Variants in OXCT1 observed in about 807,000 individuals in gnomAD.
The protein encoded by OXCT1 is succinyl-CoA:3-ketoacid coenzyme A transferase 1, mitochondrial.
In OXCT1, 27 loss-of-function variants were observed where a neutral mutation model predicts 69.6. That is an observed-to-expected ratio of 0.39 (90% CI 0.29 to 0.54). The LOEUF (loss-of-function observed/expected upper bound fraction) is 0.54. Among genes scored for constraint, OXCT1 ranks in the 20% least tolerant of loss-of-function variants. The probability of loss-of-function intolerance (pLI) is 0.72; values close to 1 mark genes in which losing one functional copy is unlikely to be tolerated. For synonymous variants in OXCT1, 202 were observed against 217.8 expected (o/e 0.93, Z 0.64); for missense variants, 437 against 650.2 (o/e 0.67, Z 3.57).
At position 41,813,348 on chromosome 5, in the gene OXCT1, G is replaced by A. The variant is rs528960712; in HGVS notation, c.733-5910C>T. Among the ~76,000 whole-genome samples the A allele has an allele frequency of 5.4e-4, 82 of 152,138 alleles. 1 individual carries two copies. In the South Asian group the frequency reaches 0.012, roughly 22 times the overall value. On this transcript the variant is annotated intron_variant, in intron 7 of 16. Coordinates refer to ENST00000196371, the MANE Select transcript of OXCT1 (RefSeq NM_000436.4). The stretch of plus-strand genomic sequence containing the variant: ...TGGTGGCTTGATAAAGCCTTAGGGG[G>A]AAGTCTTCAGTGCTGTGGTTTTTAT...
chr5:41,767,874 T>C (rs1490553931), intron 13 of OXCT1, among the ~76,000 whole-genome samples: 1 of 151,622 alleles, frequency 6.6e-6, no homozygotes, highest in Non-Finnish European at 1.5e-5. Context: ...CCTACTGCTA[T>C]TGAGGCTTTC....
intron 7 of OXCT1, among the ~76,000 whole-genome samples, chr5:41,822,521 C>T (rs1747604678): frequency 6.6e-6 from 1 of 152,074 alleles, no homozygotes; most frequent in South Asian, 2.1e-4. Context: ...CTCTTTTGCC[C>T]AGGCTGGAGT....
chr5:41,868,428 C>T (rs1261487070), intron 1 of OXCT1, among the ~76,000 whole-genome samples: 1 of 152,172 alleles, frequency 6.6e-6, no homozygotes, highest in Non-Finnish European at 1.5e-5. Flanking sequence ...TCAACAGAAG[C>T]AGCAGGTGAG....
At chr5:41,865,637 G>A (rs1749928412) in intron 1 of OXCT1, among the ~76,000 whole-genome samples, 1 of 152,044 alleles carries the variant, frequency 6.6e-6, no homozygotes, top group South Asian at 2.1e-4. Context: ...ATGCTCTTGG[G>A]ATCAAAAAAT....
intron 7 of OXCT1, among the ~76,000 whole-genome samples, chr5:41,820,780 G>T (rs1747508582): frequency 6.6e-6 from 1 of 152,026 alleles, no homozygotes; most frequent in Admixed American, 6.6e-5. Flanking sequence ...CAATCAAGAT[G>T]GCAAGCGTAA....
At chr5:41,763,701 T>C (rs1263005146) in intron 13 of OXCT1, among the ~76,000 whole-genome samples, 2 of 152,030 alleles carry the variant, frequency 1.3e-5, no homozygotes, top group South Asian at 4.1e-4. Context: ...CTTGGCAGAC[T>C]GAGGGGGCGA....
chr5:41,838,375 T>C (rs996632512), intron 7 of OXCT1, among the ~76,000 whole-genome samples: 9 of 152,206 alleles, frequency 5.9e-5, no homozygotes, highest in Admixed American at 3.3e-4. Context: ...CTACTATGTA[T>C]ACTATATGTT....
Position 41,840,220 on chromosome 5 carries a change from T to C in OXCT1, c.732+231A>G, listed in dbSNP as rs1748559291. ...AAAGACTTTTATAAGCTGGTCCCAT[T>C]GCTTGATTCCCAAAGAGAGCATTCT... On this transcript the variant is annotated intron_variant, in intron 7 of 16. Coordinates refer to ENST00000196371, the MANE Select transcript of OXCT1 (RefSeq NM_000436.4). Among the ~76,000 whole-genome samples, 3 of 152,200 alleles carry C rather than the reference T, an allele frequency of 2.0e-5. No homozygotes were observed. In the South Asian group the frequency reaches 6.2e-4, roughly 31 times the overall value.
intron 15 of OXCT1, among the ~76,000 whole-genome samples, chr5:41,744,917 T>C (rs1743388996): frequency 6.6e-6 from 1 of 151,930 alleles, no homozygotes; most frequent in African/African-American, 2.4e-5. Flanking sequence ...ACCCAGTCCT[T>C]AGAGACCTAC....
At chr5:41,830,213 C>G (rs115701438) in intron 7 of OXCT1, among the ~76,000 whole-genome samples, 3,642 of 152,278 alleles carry the variant, frequency 0.024, 65 homozygotes, top group Non-Finnish European at 0.037. Context: ...TGATATCCAT[C>G]ACTAACTACA....
At chr5:41,778,747 G>T (rs2112169715) in intron 13 of OXCT1, among the ~76,000 whole-genome samples, 1 of 152,292 alleles carries the variant, frequency 6.6e-6, no homozygotes, top group Non-Finnish European at 1.5e-5. Flanking sequence ...TATCATTTCT[G>T]CAAGTAATAA....
chr5:41,780,686 T>C (rs1343583203), intron 13 of OXCT1, among the ~76,000 whole-genome samples: 6 of 152,144 alleles, frequency 3.9e-5, no homozygotes, highest in Admixed American at 3.9e-4. Context: ...ATATTAGCAA[T>C]AGACATTTGG....
chr5:41,819,581 G>A (rs984980656), intron 7 of OXCT1, among the ~76,000 whole-genome samples: 1 of 151,736 alleles, frequency 6.6e-6, no homozygotes, highest in Non-Finnish European at 1.5e-5. Context: ...CATTTGCCAG[G>A]CTGGTCTCGA....
At chr5:41,803,020 T>G (rs1415242183) in intron 10 of OXCT1, 49 bp downstream of exon 10, 1 of 1,274,192 alleles carries the variant, frequency 7.8e-7, no homozygotes, top group East Asian at 2.3e-5. Flanking sequence ...ACATGAAATA[T>G]CTCATTCTTC....
chr5:41,736,970 C>T (rs1193913494), intron 16 of OXCT1, among the ~76,000 whole-genome samples: 2 of 152,202 alleles, frequency 1.3e-5, no homozygotes, highest in African/African-American at 2.4e-5. Flanking sequence ...GAAATGCTAT[C>T]TTCAATGTAC....
At chr5:41,782,540 T>C (rs1266286973) in intron 13 of OXCT1, among the ~76,000 whole-genome samples, 1 of 152,188 alleles carries the variant, frequency 6.6e-6, no homozygotes. Context: ...TTGGCCCATG[T>C]ATGTCTTCTT....
chr5:41,850,765 CA>C (rs1749139280), intron 4 of OXCT1, among the ~76,000 whole-genome samples: 2 of 152,140 alleles, frequency 1.3e-5, no homozygotes. Flanking sequence ...GAAACAGCTG[CA>C]AGCAAAGTTA....
At position 41,800,100 on chromosome 5, in the gene OXCT1, G is replaced by A. The variant is rs115976958; in HGVS notation, c.1099+922C>T. Among the ~76,000 whole-genome samples the A allele has an allele frequency of 5.4e-3, 829 of 152,224 alleles. 7 individuals carry two copies. Among genetic ancestry groups the A allele is most frequent in the Non-Finnish European group, 8.9e-3 (606 of 68,016 alleles). ...CAGTGTTGCCTCAAGCATAGGCAGT[G>A]AAGATGGCCAAAAGACCTGACCTGT... is the stretch of plus-strand genomic sequence containing the variant. On this transcript the variant is annotated intron_variant, in intron 11 of 16. Coordinates refer to ENST00000196371, the MANE Select transcript of OXCT1 (RefSeq NM_000436.4).
intron 13 of OXCT1, among the ~76,000 whole-genome samples, chr5:41,763,732 C>T (rs1296242897): frequency 1.3e-5 from 2 of 151,984 alleles, no homozygotes; most frequent in Non-Finnish European, 2.9e-5. Flanking sequence ...AATGAAAAGG[C>T]AGCAGCCAAA....
Sources: gnomAD v4.1 joint callset for allele counts (sites outside exome capture counted in the v4.1 genomes callset) on GRCh38, gnomAD v4.1.1 for gene constraint, MANE v1.5 for transcripts, NCBI Gene and HGNC (gene_info 2026-07-23, HGNC 2026-07-21) for gene names.